UBR1: variants seen among roughly 807,000 people sequenced by gnomAD.
UBR1 encodes the protein ubiquitin protein ligase E3 component n-recognin 1.
Under a neutral mutation model 242.1 loss-of-function variants are expected in UBR1, and 102 were observed. The ratio of observed to expected loss-of-function variants is 0.42; its 90% CI spans 0.36 to 0.50. The LOEUF is 0.50. Ranked by LOEUF, UBR1 falls within the 20% of genes least tolerant of loss-of-function variation. The probability of loss-of-function intolerance (pLI) is 0.01; values close to 1 mark genes in which losing one functional copy is unlikely to be tolerated. For synonymous variants in UBR1, 675 were observed against 684.8 expected (o/e 0.99, Z 0.22); for missense variants, 1,772 against 2,101.8 (o/e 0.84, Z 3.07).
Position 42,984,029 on chromosome 15 carries a change from G to C in UBR1, c.4054-36C>G, listed in dbSNP as rs370341177. 5.1e-6 allele frequency: 8 copies of C among 1,557,374 alleles called. No individual in the cohort carries two copies. In the African/African-American group the frequency reaches 1.1e-4, roughly 21 times the overall value. On this transcript the variant is annotated intron_variant, in intron 36 of 46. Coordinates refer to ENST00000290650, the MANE Select transcript of UBR1 (RefSeq NM_174916.3). ...AGAGAGAAGGAAGATAAAAAGATGA[G>C]GGAAGATGAGAGACCTAAGTCATCC... is the stretch of plus-strand genomic sequence containing the variant.
intron 28 of UBR1, among the ~76,000 whole-genome samples, chr15:43,016,829 C>T (rs979713181): frequency 5.3e-5 from 8 of 152,158 alleles, no homozygotes; most frequent in East Asian, 3.8e-4. Context: ...TACCCACCTC[C>T]GCCTCTCAAA....
intron 39 of UBR1, among the ~76,000 whole-genome samples, chr15:42,973,299 A>T (rs2032235804): frequency 6.6e-6 from 1 of 152,070 alleles, no homozygotes; most frequent in Non-Finnish European, 1.5e-5. Flanking sequence ...CACCTGGCTC[A>T]TTGCCCCGTT....
chr15:42,952,444 G>C lies in UBR1; in HGVS notation c.4840C>G (p.Pro1614Ala), dbSNP rs754090022. Residue 1614 changes from proline (P) to alanine (A), a missense_variant, in exon 45 of 47, where the codon CCA (proline) becomes GCA (alanine). By Grantham distance (27) the Pro-to-Ala change is conservative. Transcript: ENST00000290650. ...LLNQASHFRC[P>A]RSADDERKHP... ...TTTCGCTCATCATCTGCAGACCGTG[G>C]GCACCTCAAAAGAGAAGAAAACATT... 1.2e-6 allele frequency: 2 copies of C among 1,614,140 alleles called. No homozygotes were observed. The highest frequency in any genetic ancestry group is 1.7e-6 in the Non-Finnish European group (2 of 1,180,040).
chr15:42,956,242 T>G (rs949549168), intron 44 of UBR1, among the ~76,000 whole-genome samples: 2 of 152,180 alleles, frequency 1.3e-5, no homozygotes, highest in African/African-American at 4.8e-5. Context: ...AGGAGTGATA[T>G]CATAGAAAAT....
intron 20 of UBR1, among the ~76,000 whole-genome samples, chr15:43,031,713 C>A (rs2033259242): frequency 6.6e-6 from 1 of 152,122 alleles, no homozygotes; most frequent in Non-Finnish European, 1.5e-5. Context: ...TAACAAAAGC[C>A]AGAATGAGAA....
chr15:42,983,326 A>G (rs1450556007), intron 37 of UBR1, among the ~76,000 whole-genome samples: 3 of 152,126 alleles, frequency 2.0e-5, no homozygotes, highest in Non-Finnish European at 4.4e-5. Flanking sequence ...GTAGAGAAAC[A>G]TAAGTTGAAA....
At chr15:43,032,515 C>T (rs954309199) in intron 20 of UBR1, 53 bp downstream of exon 20, 1 of 1,236,398 alleles carries the variant, frequency 8.1e-7, no homozygotes, top group Non-Finnish European at 1.2e-6. Flanking sequence ...TATAAATGGT[C>T]TCTCTAAAAA....
At chr15:43,031,988 C>T (rs1284715677) in intron 20 of UBR1, among the ~76,000 whole-genome samples, 6 of 152,056 alleles carry the variant, frequency 3.9e-5, no homozygotes, top group Non-Finnish European at 5.9e-5. Context: ...GAGCTGAGAT[C>T]GCACCACTGC....
chr15:43,056,187 C>T (rs1439638133), intron 11 of UBR1, among the ~76,000 whole-genome samples, 157 bp downstream of exon 11: 1 of 152,196 alleles, frequency 6.6e-6, no homozygotes, highest in African/African-American at 2.4e-5. Flanking sequence ...ACCAAGGCAG[C>T]GCCTAGTTAA....
At chr15:42,947,480 G>C (rs1248692496) in intron 46 of UBR1, among the ~76,000 whole-genome samples, 1 of 152,114 alleles carries the variant, frequency 6.6e-6, no homozygotes, top group East Asian at 1.9e-4. Context: ...ATTAGGAAAA[G>C]AGGAAGTCAA....
At position 43,070,832 on chromosome 15, in the gene UBR1, C is replaced by T; in HGVS notation, c.622G>A (p.Glu208Lys). 1.2e-6 allele frequency: 2 copies of T among 1,613,758 alleles called. No individual in the cohort carries two copies. The highest frequency in any genetic ancestry group is 2.2e-5 in the South Asian group (2 of 91,082). Reference protein sequence around the residue: ...IKYVVEMTIWEEEKELPPELQ... With the variant: ...IKYVVEMTIWKEEKELPPELQ... ...TCAGGAGGCAGTTCTTTTTCCTCTT[C>T]CCATATAGTCATTTCTACGACATAT... Residue 208 changes from glutamate (E) to lysine (K), a missense_variant, in exon 5 of 47, where the codon GAA becomes AAA. Glu to Lys is a moderately conservative substitution (Grantham distance 56). Transcript: ENST00000290650.
chr15:42,947,521 A>G (rs1024345355), intron 46 of UBR1, among the ~76,000 whole-genome samples: 24 of 152,070 alleles, frequency 1.6e-4, no homozygotes, highest in African/African-American at 5.8e-4. Flanking sequence ...ACATGATTGT[A>G]TATCTAGAAA....
chr15:43,042,525 G>A (rs922185281), intron 15 of UBR1, among the ~76,000 whole-genome samples: 2 of 152,076 alleles, frequency 1.3e-5, no homozygotes, highest in African/African-American at 4.8e-5. Flanking sequence ...TGGGGAGGAG[G>A]CAATGGGGAG....
Position 43,054,789 on chromosome 15 carries a change from A to G in UBR1, c.1392T>C (p.Tyr464=). The part of the protein sequence containing the change: ...DRNNKFNFQG[Y]SQDKLGRVYA... Reference sequence around the variant, plus strand: ...ATACTCTTCCCAATTTGTCCTGGCTATAACCCTGGAAGTTGAATTTATTGT... The same window carrying G: ...ATACTCTTCCCAATTTGTCCTGGCTGTAACCCTGGAAGTTGAATTTATTGT... The change falls in exon 12 of 47, where the codon TAT becomes TAC. Residue 464 remains tyrosine (Y), a synonymous_variant. Transcript: ENST00000290650. 1 of 1,614,174 alleles carries G rather than the reference A, an allele frequency of 6.2e-7. No homozygotes were observed. The highest frequency in any genetic ancestry group is 8.5e-7 in the Non-Finnish European group (1 of 1,180,020).
At chr15:43,085,914 C>CT in intron 2 of UBR1, 70 bp downstream of exon 2, 10 of 1,428,454 alleles carry the variant, frequency 7.0e-6, no homozygotes, top group Non-Finnish European at 9.4e-6. Flanking sequence ...CAGCAAGACT[C>CT]TGTTTCAAAA....
At chr15:43,082,796 A>G in intron 2 of UBR1, 80 bp from the exon 3 acceptor site, 1 of 1,039,018 alleles carries the variant, frequency 9.6e-7, no homozygotes, top group South Asian at 1.3e-5. Flanking sequence ...TACAATGTGA[A>G]CAAGTTTCCT....
intron 34 of UBR1, 115 bp from the exon 35 acceptor site, chr15:42,989,082 T>C (rs2032517915): frequency 2.3e-6 from 2 of 882,074 alleles, no homozygotes; most frequent in Non-Finnish European, 3.5e-6. Context: ...ATAAGTAAAC[T>C]GCTCTTTGCC....
At chr15:43,051,912 AG>A (rs1223025664) in intron 12 of UBR1, among the ~76,000 whole-genome samples, 1 of 152,204 alleles carries the variant, frequency 6.6e-6, no homozygotes, top group Non-Finnish European at 1.5e-5. Flanking sequence ...ACAAAGGAAT[AG>A]GTTAGAGTAA....
chr15:42,954,416 A>G (rs2031883893), intron 44 of UBR1, among the ~76,000 whole-genome samples: 1 of 152,188 alleles, frequency 6.6e-6, no homozygotes, highest in African/African-American at 2.4e-5. Flanking sequence ...AACAGTGGCT[A>G]GGGTGTGAGC....
Sources: allele counts gnomAD v4.1 joint callset (sites outside exome capture counted in the v4.1 genomes callset), GRCh38; gene constraint gnomAD v4.1.1; transcripts MANE v1.5; gene names NCBI Gene and HGNC (gene_info 2026-07-23, HGNC 2026-07-21).